The following TCF20 variants were observed in gnomAD, a reference collection of about 807,000 sequenced individuals.
TCF20 encodes the protein transcription factor 20.
In TCF20, 3 loss-of-function variants were observed where a neutral mutation model predicts 148.6. The ratio of observed to expected loss-of-function variants is 0.02; its 90% CI spans 0.01 to 0.05. The LOEUF is 0.05. Among genes scored for constraint, TCF20 ranks in the 10% least tolerant of loss-of-function variants. TCF20 has a pLI of 1.00. For synonymous variants in TCF20, 1,049 were observed against 909.5 expected (o/e 1.15, Z -2.76); for missense variants, 2,350 against 2,429.3 (o/e 0.97, Z 0.69).
At chr22:42,165,607 G>A (rs1049396177) in intron 5 of TCF20, among the ~76,000 whole-genome samples, 1 of 152,230 alleles carries the variant, frequency 6.6e-6, no homozygotes, top group African/African-American at 2.4e-5. Flanking sequence ...TCACAGGCTG[G>A]GAGGCAGGGG....
Position 42,211,542 on chromosome 22 carries a change from C to T in TCF20, c.3764G>A (p.Arg1255Lys). 1 of 1,614,192 alleles carries T rather than the reference C, an allele frequency of 6.2e-7. No homozygotes were observed. Among genetic ancestry groups the T allele is most frequent in the Middle Eastern group, 1.6e-4 (1 of 6,062 alleles). The change falls in exon 2 of 6, where the codon AGG becomes AAG. Residue 1255 changes from arginine to lysine, a missense_variant. Physicochemically the swap from Arg to Lys is conservative, Grantham distance 26 (BLOSUM62 2). Coordinates refer to ENST00000677622, the MANE Select transcript of TCF20 (RefSeq NM_001378418.1). ...GGGAGAGATAAAAGAACGAACACGC[C>T]TCCTCATGATTAAGGGGTTTTGAGA... Reference protein sequence around the residue: ...HSSQNPLIMRRRVRSFISPIP... With the variant: ...HSSQNPLIMRKRVRSFISPIP...
intron 1 of TCF20, among the ~76,000 whole-genome samples, chr22:42,324,040 ATGGTGGTGG>A (rs150536662): frequency 2.9e-4 from 1 of 3,434 alleles, no homozygotes; most frequent in East Asian, 0.011. Context: ...GATGGAGGTT[ATGGTGGTGG>A]TGGTGGTGGT....
Position 42,211,422 on chromosome 22 carries a change from G to T in TCF20, c.3884C>A (p.Ala1295Glu). The change falls in exon 2 of 6, where the codon GCA becomes GAA. Residue 1295 changes from alanine to glutamate, a missense_variant. By Grantham distance (107) the Ala-to-Glu change is moderately radical. Around this residue, in one of 7 missense-constraint regions of TCF20, gnomAD observed 1,641 missense variants for 1,662.6 expected, o/e 0.99. Coordinates refer to ENST00000677622, the MANE Select transcript of TCF20 (RefSeq NM_001378418.1). ...LHSSKEGADK[A>E]FNSYAHLSHS... Reference sequence around the variant, plus strand: ...AGAAAGATGGGCATAGGAATTGAATGCTTTATCAGCGCCTTCTTTTGATGA... The same window carrying T: ...AGAAAGATGGGCATAGGAATTGAATTCTTTATCAGCGCCTTCTTTTGATGA... The T allele has an allele frequency of 1.2e-6, 2 of 1,614,164 alleles. No homozygotes were observed. The highest frequency in any genetic ancestry group is 4.5e-5 in the East Asian group (2 of 44,880).
At chr22:42,281,415 G>A (rs1926899465) in intron 1 of TCF20, among the ~76,000 whole-genome samples, 1 of 152,202 alleles carries the variant, frequency 6.6e-6, no homozygotes, top group Admixed American at 6.5e-5. Context: ...TCCTCCACAA[G>A]TGGCTCCCCC....
Position 42,297,726 on chromosome 22 carries a change from C to T in TCF20, c.-37+45753G>A, listed in dbSNP as rs1443699525. Among the ~76,000 whole-genome samples the T allele has an allele frequency of 2.0e-5, 3 of 152,204 alleles. No individual in the cohort carries two copies. Among genetic ancestry groups the T allele is most frequent in the Admixed American group, 1.3e-4 (2 of 15,284 alleles). On this transcript the variant is annotated intron_variant, in intron 1 of 1. Coordinates refer to the TCF20 transcript ENST00000515426. This position sits in a 1 kb window ranked among gnomAD's most constrained non-coding sequence, Gnocchi z 4.3. ...CACAATTCAGACAAATGTGTGTGGA[C>T]TCCCCTCTTGCCCCACAAACCACAA...
chr22:42,312,992 C>A (rs968993803), intron 1 of TCF20, among the ~76,000 whole-genome samples: 3 of 152,184 alleles, frequency 2.0e-5, no homozygotes, highest in Middle Eastern at 3.2e-3. Context: ...TCCAGGAATG[C>A]TCAGGACAAC....
chr22:42,262,206 G>A (rs563315535), intron 1 of TCF20, among the ~76,000 whole-genome samples: 1 of 152,186 alleles, frequency 6.6e-6, no homozygotes, highest in Non-Finnish European at 1.5e-5. Context: ...ACGACTCTTG[G>A]CCGCTCTGGG....
At chr22:42,282,358 G>A (rs769867925) in intron 1 of TCF20, among the ~76,000 whole-genome samples, 1 of 152,230 alleles carries the variant, frequency 6.6e-6, no homozygotes, top group Non-Finnish European at 1.5e-5. Context: ...GCAGCCCAGA[G>A]ACTTGTACCA....
intron 3 of TCF20, among the ~76,000 whole-genome samples, chr22:42,175,374 C>T (rs1201507991): frequency 2.0e-5 from 3 of 152,118 alleles, no homozygotes; most frequent in African/African-American, 4.8e-5. Flanking sequence ...CAGAGTCTCG[C>T]TCTGTTGCCA....
Position 42,212,882 on chromosome 22 carries a change from A to G in TCF20, c.2424T>C (p.Ile808=). The change falls in exon 2 of 6, where the codon ATT becomes ATC. Residue 808 remains isoleucine, a synonymous_variant. Coordinates refer to ENST00000677622, the MANE Select transcript of TCF20 (RefSeq NM_001378418.1). ...LASRGLLNKS[I]GSLLENPHWG... ...AGTGGGGATTTTCTAATAGAGACCC[A>G]ATGCTTTTGTTCAGAAGGCCCCTGC... 1 of 1,614,158 alleles carries G rather than the reference A, an allele frequency of 6.2e-7. No homozygotes were observed. Among genetic ancestry groups the G allele is most frequent in the Non-Finnish European group, 8.5e-7 (1 of 1,180,020 alleles).
chr22:42,209,342 G>A (rs1317677676), intron 2 of TCF20, among the ~76,000 whole-genome samples: 1 of 152,214 alleles, frequency 6.6e-6, no homozygotes, highest in Non-Finnish European at 1.5e-5. Context: ...TCTGCCCCAG[G>A]ATAAGTTATG....
At chr22:42,245,723 A>C (rs1332079467) in intron 1 of TCF20, among the ~76,000 whole-genome samples, 1 of 152,166 alleles carries the variant, frequency 6.6e-6, no homozygotes, top group African/African-American at 2.4e-5. Context: ...CTTTGGTAGA[A>C]TTAACCAATG....
chr22:42,270,287 A>C (rs1926533868), intron 1 of TCF20, among the ~76,000 whole-genome samples, 52 bp downstream of exon 1: 3 of 151,790 alleles, frequency 2.0e-5, no homozygotes, highest in African/African-American at 7.2e-5. Context: ...GCCCGGCCCC[A>C]GTCCTTCAGG....
At chr22:42,240,895 C>G (rs1019940332) in intron 1 of TCF20, among the ~76,000 whole-genome samples, 4 of 152,036 alleles carry the variant, frequency 2.6e-5, no homozygotes, top group African/African-American at 9.7e-5. Context: ...GCTCTGTCCC[C>G]CCCAGGCTGG....
At chr22:42,252,674 T>C (rs1033224428) in intron 1 of TCF20, among the ~76,000 whole-genome samples, 6 of 152,124 alleles carry the variant, frequency 3.9e-5, no homozygotes, top group African/African-American at 1.4e-4. Context: ...TGGTCTTAAT[T>C]TCCTGACCTC....
At chr22:42,288,887 G>C (rs952220249), upstream of TCF20, among the ~76,000 whole-genome samples, 12 of 152,200 alleles carry the variant, frequency 7.9e-5, no homozygotes, top group Admixed American at 5.9e-4. Context: ...TGCAGGCCTG[G>C]GCTGGCTCCA....
At chr22:42,224,534 C>CAAAAAAAAAA (rs66858906) in intron 1 of TCF20, among the ~76,000 whole-genome samples, 5 of 39,562 alleles carry the variant, frequency 1.3e-4, no homozygotes, top group African/African-American at 1.9e-4. Context: ...AAAGCTGGTA[C>CAAAAAAAAAA]AAAAAAAAAA....
chr22:42,228,242 G>A (rs989330379), intron 1 of TCF20, among the ~76,000 whole-genome samples: 2 of 152,168 alleles, frequency 1.3e-5, no homozygotes, highest in Admixed American at 6.5e-5. Flanking sequence ...TGTTGATGGA[G>A]GTAGTGACAC....
intron 1 of TCF20, among the ~76,000 whole-genome samples, chr22:42,238,103 A>C (rs1924042123): frequency 1.3e-5 from 2 of 152,226 alleles, no homozygotes. Flanking sequence ...ATAAGGCTAC[A>C]CTGAATATCT....
Sources: gnomAD v4.1 joint callset for allele counts (sites outside exome capture counted in the v4.1 genomes callset) on GRCh38, gnomAD v4.1.1 for gene constraint, gnomAD v4.1.1 regional missense constraint, Gnocchi (gnomAD v3.1) non-coding constraint, MANE v1.5 for transcripts, NCBI Gene and HGNC (gene_info 2026-07-23, HGNC 2026-07-21) for gene names.